Variants in ZNF519 observed in about 807,000 individuals in gnomAD.
ZNF519 encodes zinc finger protein 519.
A neutral mutation model predicts 7.4 loss-of-function variants in ZNF519; 7 were observed. The ratio of observed to expected loss-of-function variants is 0.94; its 90% confidence interval spans 0.54 to 1.77. The LOEUF is 1.77. Ranked by LOEUF, ZNF519 falls within the 40% of genes most tolerant of loss-of-function variation. ZNF519 has a pLI of 0.00. For missense variants in ZNF519, 586 were observed against 623.1 expected, an observed-to-expected ratio of 0.94 and a Z score of 0.63; for synonymous variants, 179 against 203.3, an observed-to-expected ratio of 0.88 and a Z score of 1.02.
At chr18:14,116,822 C>A (rs113497844) in intron 2 of ZNF519, among the ~76,000 whole-genome samples, 1 of 152,148 alleles carries the variant, frequency 6.6e-6, no homozygotes, top group Admixed American at 6.5e-5. Context: ...GCCTGACCAA[C>A]AGGGTGAAAC....
chr18:14,124,177 TAAA>T, intron 2 of ZNF519, 170 bp downstream of exon 2: 738 of 391,004 alleles, frequency 1.9e-3, no homozygotes, highest in East Asian at 3.0e-3. Flanking sequence ...CTGTCTCAAT[TAAA>T]AAAAAAAAAA....
downstream of ZNF519, among the ~76,000 whole-genome samples, chr18:14,095,869 G>C (rs1405952574): frequency 1.3e-5 from 2 of 152,180 alleles, no homozygotes; most frequent in African/African-American, 2.4e-5. Flanking sequence ...TGCTCATCTG[G>C]GTCACATCCA....
rs182520452 is a variant in ZNF519, at chr18:14,079,674, A to G, written c.*178-1376T>C. On this transcript the variant is annotated intron_variant and NMD_transcript_variant, in intron 3 of 4. Coordinates refer to the ZNF519 transcript ENST00000587419. Reference sequence around the variant, plus strand: ...AAAATGTAGCTAAGATAGCCTCTTCAACAGATGGTGCTAGAAGAACTGGAC... The same window carrying G: ...AAAATGTAGCTAAGATAGCCTCTTCGACAGATGGTGCTAGAAGAACTGGAC... 3.7e-4 allele frequency among the ~76,000 whole-genome samples: 57 copies of G among 152,340 alleles called. No individual in the cohort carries two copies. In the East Asian group the frequency reaches 4.8e-3, roughly 13 times the overall value.
At chr18:14,088,413 C>T (rs1335755108) in intron 2 of ZNF519, among the ~76,000 whole-genome samples, 2 of 152,156 alleles carry the variant, frequency 1.3e-5, no homozygotes, top group Admixed American at 1.3e-4. Context: ...AGAGATTTCA[C>T]TTTACCATCA....
chr18:14,110,867 G>A (rs1248599251), intron 2 of ZNF519, among the ~76,000 whole-genome samples: 1 of 152,138 alleles, frequency 6.6e-6, no homozygotes, highest in Non-Finnish European at 1.5e-5. Context: ...TAAGAGTAAT[G>A]TAATAGACTT....
Position 14,101,907 on chromosome 18 carries a change from T to G in ZNF519, c.*3010A>C, listed in dbSNP as rs943482619. 6.6e-5 allele frequency: 26 copies of G among 394,788 alleles called. No homozygotes were observed. Among genetic ancestry groups the G allele is most frequent in the Non-Finnish European group, 1.1e-4 (25 of 224,294 alleles). The allele number at this position is 394,788 out of a possible 1,614,324, so 24.5% of individuals were successfully genotyped here. ...TCTACATAAACCTCCTGCCCTCTAC[T>G]TTTTCTCCTAAATGCATGAAAGGCA... On this transcript the variant is annotated 3_prime_UTR_variant, in exon 3 of 3. Coordinates refer to ENST00000590202, the MANE Select transcript of ZNF519 (RefSeq NM_145287.4).
rs911116616 is a variant in ZNF519, at chr18:14,132,341, A to G, written c.-64T>C. The G allele has an allele frequency of 5.6e-6, 9 of 1,600,132 alleles. 1 individual carries two copies. The highest frequency in any genetic ancestry group is 7.7e-6 in the Non-Finnish European group (9 of 1,168,346). Reference sequence around the variant, plus strand: ...ATCATTCAATGCCAGCAGGTCACAGAGCGACGGAGTGAGTGGCAGAATCAC... The same window carrying G: ...ATCATTCAATGCCAGCAGGTCACAGGGCGACGGAGTGAGTGGCAGAATCAC... On this transcript the variant is annotated 5_prime_UTR_variant, in exon 1 of 3. Coordinates refer to ENST00000590202, the MANE Select transcript of ZNF519 (RefSeq NM_145287.4).
At chr18:14,098,018 CATT>C (rs2046144268), downstream of ZNF519, among the ~76,000 whole-genome samples, 1 of 152,218 alleles carries the variant, frequency 6.6e-6, no homozygotes, top group South Asian at 2.1e-4. Context: ...GAGCTCTCAT[CATT>C]GATAACCTCA....
At chr18:14,084,585 G>C (rs377303518) in intron 3 of ZNF519, among the ~76,000 whole-genome samples, 27 of 152,136 alleles carry the variant, frequency 1.8e-4, no homozygotes, top group African/African-American at 5.8e-4. Flanking sequence ...GATCACCAGG[G>C]GAGGGTGGGC....
At chr18:14,098,205 T>A (rs1027691360), downstream of ZNF519, among the ~76,000 whole-genome samples, 1 of 149,452 alleles carries the variant, frequency 6.7e-6, no homozygotes, top group Non-Finnish European at 1.5e-5. Context: ...CTGCTGCCCA[T>A]GCTGGAGTGC....
rs1459285026 is a variant in ZNF519, at chr18:14,102,679, T to C, written c.*2238A>G. ...ATAATAATAATTTATTCTCTATATG[T>C]TGTAAATTATTTTCTCATTACAAAA... On this transcript the variant is annotated 3_prime_UTR_variant, in exon 3 of 3. Coordinates refer to ENST00000590202, the MANE Select transcript of ZNF519 (RefSeq NM_145287.4). 6.6e-6 allele frequency: 1 copy of C among 152,310 alleles called. No individual in the cohort carries two copies. Among genetic ancestry groups the C allele is most frequent in the East Asian group, 1.9e-4 (1 of 5,194 alleles). The allele number at this position is 152,310 out of a possible 1,614,324, so 9.4% of individuals were successfully genotyped here. A position where few individuals can be genotyped will look rare whatever the true frequency, so the allele number is the denominator to read the frequency against.
At chr18:14,128,608 CTG>C (rs1286790851) in intron 1 of ZNF519, among the ~76,000 whole-genome samples, 5 of 151,618 alleles carry the variant, frequency 3.3e-5, no homozygotes, top group Non-Finnish European at 5.9e-5. Context: ...CCTACAGAAA[CTG>C]TGGGAAAGGG....
chr18:14,098,419 CAA>C (rs2046146620), downstream of ZNF519, among the ~76,000 whole-genome samples: 1 of 152,110 alleles, frequency 6.6e-6, no homozygotes. Flanking sequence ...CTTGGCCTCC[CAA>C]AGTGCTGGGA....
downstream of ZNF519, among the ~76,000 whole-genome samples, chr18:14,098,435 T>C (rs542170445): frequency 6.6e-6 from 1 of 152,178 alleles, no homozygotes; most frequent in African/African-American, 2.4e-5. Flanking sequence ...GCTGGGATTA[T>C]AGGCATGAGC....
intron 2 of ZNF519, among the ~76,000 whole-genome samples, chr18:14,115,755 C>T (rs886876975): frequency 6.6e-6 from 1 of 152,104 alleles, no homozygotes; most frequent in Non-Finnish European, 1.5e-5. Flanking sequence ...GTTATATTCA[C>T]AATAAATACA....
At chr18:14,111,709 T>C (rs893807630) in intron 2 of ZNF519, among the ~76,000 whole-genome samples, 9 of 152,032 alleles carry the variant, frequency 5.9e-5, no homozygotes, top group African/African-American at 2.2e-4. Flanking sequence ...TCTAGACACA[T>C]AGAACCTAAC....
chr18:14,122,904 T>G (rs1359719093), intron 2 of ZNF519, among the ~76,000 whole-genome samples: 2 of 151,406 alleles, frequency 1.3e-5, no homozygotes, highest in South Asian at 2.1e-4. Context: ...ACATTAGGTA[T>G]ATCTCCTAAT....
downstream of ZNF519, chr18:14,075,356 C>T (rs2046043741): frequency 2.0e-5 from 3 of 152,332 alleles, no homozygotes; most frequent in African/African-American, 7.2e-5. Context: ...TGTTGGAGCA[C>T]CCATTCTATT....
chr18:14,119,092 T>A (rs2143155171), intron 2 of ZNF519, among the ~76,000 whole-genome samples: 1 of 152,290 alleles, frequency 6.6e-6, no homozygotes, highest in Admixed American at 6.5e-5. Flanking sequence ...AAATCTAATC[T>A]TTCCAGGTCC....
Sources: allele counts gnomAD v4.1 joint callset (sites outside exome capture counted in the v4.1 genomes callset), GRCh38; gene constraint gnomAD v4.1.1; transcripts MANE v1.5; gene names NCBI Gene and HGNC (gene_info 2026-07-23, HGNC 2026-07-21).